Variants in CWF19L2 observed in about 807,000 individuals in gnomAD.
CWF19L2 encodes the protein CWF19 like cell cycle control factor 2, also known as CWF19-like protein 2.
A neutral mutation model predicts 111.7 loss-of-function variants in CWF19L2; 98 were observed. The observed-to-expected ratio is 0.88, with a 90% CI of 0.75 to 1.04. The LOEUF (loss-of-function observed/expected upper bound fraction) is 1.04. Among genes scored for constraint, CWF19L2 ranks in the 50% least tolerant of loss-of-function variants. CWF19L2 has a pLI of 0.00. For synonymous variants in CWF19L2, 351 were observed against 342.9 expected, an observed-to-expected ratio of 1.02 and a Z score of -0.26; for missense variants, 1,101 against 1,051.4, an observed-to-expected ratio of 1.05 and a Z score of -0.65.
At chr11:107,378,616 G>A (rs1860632387) in intron 12 of CWF19L2, among the ~76,000 whole-genome samples, 1 of 152,178 alleles carries the variant, frequency 6.6e-6, no homozygotes, top group African/African-American at 2.4e-5. Flanking sequence ...GGGGACTGTT[G>A]TGGGGTGGAG....
intron 2 of CWF19L2, 95 bp downstream of exon 2, chr11:107,455,571 G>T: frequency 1.4e-6 from 1 of 692,018 alleles, no homozygotes. Context: ...TGTAACTTAT[G>T]AAAACATTCT....
intron 3 of CWF19L2, among the ~76,000 whole-genome samples, chr11:107,444,929 C>G (rs1861680135): frequency 6.6e-6 from 1 of 152,144 alleles, no homozygotes; most frequent in Admixed American, 6.5e-5. Context: ...CTGATTAGTT[C>G]AAACGTAGGT....
At chr11:107,430,754 A>C (rs1861454393) in intron 7 of CWF19L2, among the ~76,000 whole-genome samples, 1 of 152,140 alleles carries the variant, frequency 6.6e-6, no homozygotes, top group Admixed American at 6.5e-5. Context: ...AAGAGTCAGA[A>C]GTTTCCATTA....
In CWF19L2 at chr11:107,457,745, C is replaced by T; in HGVS notation, c.72G>A (p.Gln24=). ...SAKSIEERKE[Q]TRNARAEVLR... is the part of the protein sequence containing the mutation. ...ACACCTCGGCCCTGGCATTCCGGGT[C>T]TGTTCTTTCCGCTCTTCGATACTCT... The change falls in exon 1 of 18, where the codon CAG becomes CAA. Residue 24 remains glutamine, a synonymous_variant. Transcript: ENST00000282251. The T allele has an allele frequency of 6.4e-7, 1 of 1,551,682 alleles. No homozygotes were observed. The highest frequency in any genetic ancestry group is 1.2e-5 in the South Asian group (1 of 84,062).
At chr11:107,437,718 C>G (rs376721558) in intron 6 of CWF19L2, among the ~76,000 whole-genome samples, 17 of 152,208 alleles carry the variant, frequency 1.1e-4, no homozygotes, top group African/African-American at 4.1e-4. Context: ...AAAGATACCA[C>G]CTAAAGTAAA....
intron 10 of CWF19L2, among the ~76,000 whole-genome samples, chr11:107,407,716 A>G (rs1290252613): frequency 1.3e-5 from 2 of 152,070 alleles, no homozygotes; most frequent in African/African-American, 4.8e-5. Context: ...AGTTTGAGAT[A>G]GTCTATGACA....
chr11:107,356,360 T>C (rs75202305), intron 12 of CWF19L2, among the ~76,000 whole-genome samples: 2,036 of 152,134 alleles, frequency 0.013, 39 homozygotes, highest in African/African-American at 0.045. Flanking sequence ...CCAATGTAAA[T>C]AGAAGAAAAT....
intron 12 of CWF19L2, among the ~76,000 whole-genome samples, chr11:107,364,471 C>A (rs1208600439): frequency 4.7e-5 from 7 of 147,690 alleles, no homozygotes; most frequent in Non-Finnish European, 6.0e-5. Flanking sequence ...ATAACAAACT[C>A]TCTCTCAGAC....
intron 8 of CWF19L2, among the ~76,000 whole-genome samples, chr11:107,425,781 G>A (rs964370415): frequency 5.3e-5 from 8 of 151,836 alleles, no homozygotes; most frequent in Non-Finnish European, 1.0e-4. Context: ...TGCCAAGAAT[G>A]ACATCCAAAG....
intron 12 of CWF19L2, among the ~76,000 whole-genome samples, chr11:107,383,269 G>C (rs75032818): frequency 0.021 from 3,144 of 152,158 alleles, 104 homozygotes; most frequent in African/African-American, 0.069. Flanking sequence ...GGACAGACTT[G>C]GGGACTGAGA....
intron 10 of CWF19L2, among the ~76,000 whole-genome samples, chr11:107,407,312 TG>T (rs1861092936): frequency 6.6e-6 from 1 of 152,098 alleles, no homozygotes; most frequent in African/African-American, 2.4e-5. Context: ...ACCTTGGGTT[TG>T]TTTTTTTTCC....
chr11:107,453,066 A>G (rs1387197291), intron 3 of CWF19L2, among the ~76,000 whole-genome samples: 1 of 152,308 alleles, frequency 6.6e-6, no homozygotes, highest in Admixed American at 6.5e-5. Context: ...AGGATACCAG[A>G]AGCACTAAGA....
chr11:107,361,236 T>C (rs1860329472), intron 12 of CWF19L2, among the ~76,000 whole-genome samples: 1 of 152,242 alleles, frequency 6.6e-6, no homozygotes, highest in Admixed American at 6.5e-5. Flanking sequence ...TATGTTCGTG[T>C]CAACTTTGTC....
At chr11:107,344,729 T>C (rs1860053049) in intron 14 of CWF19L2, among the ~76,000 whole-genome samples, 1 of 152,218 alleles carries the variant, frequency 6.6e-6, no homozygotes, top group Non-Finnish European at 1.5e-5. Flanking sequence ...ATTGATTACC[T>C]TTTTCAACCT....
intron 12 of CWF19L2, among the ~76,000 whole-genome samples, chr11:107,362,547 C>G (rs1169614748): frequency 6.8e-6 from 1 of 146,418 alleles, no homozygotes; most frequent in East Asian, 1.9e-4. Flanking sequence ...CTGGGAGGCA[C>G]CCCCAGGAGG....
At chr11:107,390,822 T>C (rs1309290309) in intron 11 of CWF19L2, among the ~76,000 whole-genome samples, 2 of 152,104 alleles carry the variant, frequency 1.3e-5, no homozygotes, top group African/African-American at 4.8e-5. Context: ...GGTGTGTCTG[T>C]GAGGGTGTTG....
intron 12 of CWF19L2, among the ~76,000 whole-genome samples, chr11:107,361,350 T>C (rs1860331972): frequency 6.6e-6 from 1 of 152,256 alleles, no homozygotes; most frequent in Non-Finnish European, 1.5e-5. Context: ...CTGTTTTGGT[T>C]ACTATAGCGT....
At position 107,457,738 on chromosome 11, in the gene CWF19L2, T is replaced by G; in HGVS notation, c.79A>C (p.Asn27His). The change falls in exon 1 of 18, where the codon AAT (asparagine) becomes CAT (histidine). Residue 27 changes from asparagine (N) to histidine (H), a missense_variant. Transcript: ENST00000282251. ...SIEERKEQTRNARAEVLRQAK... is the reference protein window; with the variant it reads ...SIEERKEQTRHARAEVLRQAK... ...TGGCGCAACACCTCGGCCCTGGCAT[T>G]CCGGGTCTGTTCTTTCCGCTCTTCG... 1 of 1,551,668 alleles carries G rather than the reference T, an allele frequency of 6.4e-7. No homozygotes were observed. Among genetic ancestry groups the G allele is most frequent in the South Asian group, 1.2e-5 (1 of 84,058 alleles).
Position 107,372,480 on chromosome 11 carries a change from A to C in CWF19L2, c.1872+17594T>G, listed in dbSNP as rs12277267. On this transcript the variant is annotated intron_variant, in intron 12 of 17. Transcript: ENST00000282251. ...GATGGAGCAGAGGAAGCAAAACAAA[A>C]GAGTGTGATTCAAGATGAGTCTAAA... Among the ~76,000 whole-genome samples, 788 of 136,956 alleles carry C rather than the reference A, an allele frequency of 5.8e-3. 180 individuals carry two copies. The highest frequency in any genetic ancestry group is 0.021 in the African/African-American group (708 of 34,158). 89.8% of individuals were successfully genotyped at this position (136,956 alleles called of 152,430 possible).
Sources: allele counts gnomAD v4.1 joint callset (sites outside exome capture counted in the v4.1 genomes callset), GRCh38; gene constraint gnomAD v4.1.1; transcripts MANE v1.5; gene names NCBI Gene and HGNC (gene_info 2026-07-23, HGNC 2026-07-21).